GALNT10: variants seen among roughly 807,000 people sequenced by gnomAD.
The protein encoded by GALNT10 is polypeptide N-acetylgalactosaminyltransferase 10, also known as GalNAc transferase 10.
GALNT10 carries 41 observed loss-of-function variants against 75.0 expected under a neutral mutation model. The ratio of observed to expected loss-of-function variants is 0.55; its 90% CI spans 0.43 to 0.71. GALNT10 has a LOEUF of 0.71. Ranked by LOEUF, GALNT10 falls within the 30% of genes least tolerant of loss-of-function variation. The probability of loss-of-function intolerance (pLI) is 0.00; values close to 1 mark genes in which losing one functional copy is unlikely to be tolerated. For synonymous variants in GALNT10, 302 were observed against 313.0 expected (o/e 0.96, Z 0.37); for missense variants, 727 against 818.5 (o/e 0.89, Z 1.36).
At chr5:154,197,539 A>G (rs55946756) in intron 1 of GALNT10, among the ~76,000 whole-genome samples, 10,118 of 152,038 alleles carry the variant, frequency 0.067, 685 homozygotes, top group African/African-American at 0.17. Context: ...CCCTCTGCTG[A>G]GTGTAGATAG....
chr5:154,193,203 C>G (rs1774886098), intron 1 of GALNT10, among the ~76,000 whole-genome samples: 1 of 152,142 alleles, frequency 6.6e-6, no homozygotes. Flanking sequence ...TAAAGAAAAT[C>G]TCTTTGCTTC....
chr5:154,307,696 A>G (rs79782693), intron 3 of GALNT10, among the ~76,000 whole-genome samples: 1 of 151,864 alleles, frequency 6.6e-6, no homozygotes, highest in African/African-American at 2.4e-5. Context: ...TTTCCAACTC[A>G]CTGTAAAACC....
intron 1 of GALNT10, among the ~76,000 whole-genome samples, chr5:154,230,992 G>A (rs1384782942): frequency 6.6e-6 from 1 of 152,212 alleles, no homozygotes; most frequent in African/African-American, 2.4e-5. Flanking sequence ...AGACAAGGCG[G>A]GTCCCTGCAG....
In GALNT10 at chr5:154,415,846, T is replaced by C. The variant is rs1756494170; in HGVS notation, c.1567T>C (p.Cys523Arg). 6.2e-7 allele frequency: 1 copy of C among 1,614,048 alleles called. No homozygotes were observed. Among genetic ancestry groups the C allele is most frequent in the Non-Finnish European group, 8.5e-7 (1 of 1,180,018 alleles). ...PGDPQHTKKF[C>R]FDAISHTSPV... ...AGACCCCCAGCACACCAAGAAGTTC[T>C]GCTTTGATGCCATTTCCCACACCAG... The change falls in exon 11 of 12, where the codon TGC (cysteine) becomes CGC (arginine). Residue 523 changes from cysteine to arginine, a missense_variant. Coordinates refer to ENST00000297107, the MANE Select transcript of GALNT10 (RefSeq NM_198321.4).
chr5:154,262,068 A>G (rs1753706680), intron 1 of GALNT10, among the ~76,000 whole-genome samples: 1 of 152,192 alleles, frequency 6.6e-6, no homozygotes. Context: ...CTTTAGCTGT[A>G]TTGCATTTAG....
intron 10 of GALNT10, 82 bp downstream of exon 10, chr5:154,413,087 G>A: frequency 2.4e-6 from 2 of 832,844 alleles, no homozygotes; most frequent in South Asian, 1.4e-5. Context: ...CAGCTGGGAG[G>A]GAGAGGCATG....
At chr5:154,231,363 A>G (rs763748300) in intron 1 of GALNT10, among the ~76,000 whole-genome samples, 1 of 152,202 alleles carries the variant, frequency 6.6e-6, no homozygotes, top group Non-Finnish European at 1.5e-5. Flanking sequence ...TCTCTTCCCA[A>G]CACCACTTTT....
At chr5:154,237,105 G>A (rs765431320) in intron 1 of GALNT10, among the ~76,000 whole-genome samples, 20 of 152,222 alleles carry the variant, frequency 1.3e-4, no homozygotes, top group African/African-American at 4.8e-4. Flanking sequence ...TGTGTCCCAG[G>A]TAGCAGAGAG....
rs1756561662 is a variant in GALNT10, at chr5:154,418,586, C to G, written c.*1614C>G. 1 of 152,170 alleles carries G rather than the reference C, an allele frequency of 6.6e-6. No individual in the cohort carries two copies. Among genetic ancestry groups the G allele is most frequent in the Admixed American group, 6.5e-5 (1 of 15,274 alleles). 9.4% of individuals were successfully genotyped at this position (152,170 alleles called of 1,614,324 possible). On this transcript the variant is annotated 3_prime_UTR_variant, in exon 12 of 12. Transcript: ENST00000297107. ...CATTTACCAATTAAATAACTGAGAC[C>G]TAAGTCTGGGAACAGAGCCACGAAT...
chr5:154,227,355 A>G (rs1003273034), intron 1 of GALNT10, among the ~76,000 whole-genome samples: 2 of 152,200 alleles, frequency 1.3e-5, no homozygotes, highest in Admixed American at 1.3e-4. Flanking sequence ...TCTAATATGT[A>G]TGTGGTGATA....
intron 1 of GALNT10, among the ~76,000 whole-genome samples, chr5:154,215,978 C>T (rs1752867059): frequency 6.6e-6 from 1 of 152,154 alleles, no homozygotes; most frequent in Non-Finnish European, 1.5e-5. Context: ...GAGTTTGTGG[C>T]AGTAATTGTT....
chr5:154,409,933 TGTTA>T lies in GALNT10; in HGVS notation c.1386+178_1386+181del, dbSNP rs1410692647. 1.2e-4 allele frequency among the ~76,000 whole-genome samples: 19 copies of T among 152,370 alleles called. No individual in the cohort carries two copies. The highest frequency in any genetic ancestry group is 2.5e-4 in the Non-Finnish European group (17 of 68,018). On this transcript the variant is annotated intron_variant, in intron 9 of 11. Transcript: ENST00000297107. The surrounding 1 kb of genome is among the most constrained non-coding windows in gnomAD (Gnocchi z 4.5). Reference sequence around the variant, plus strand: ...AGCCTTGTCATGGTGTATTTTTACTTGTTAGTTAGTGTTCTCAGTGTAGAAAAAT... The same window carrying T: ...AGCCTTGTCATGGTGTATTTTTACTTGTTAGTGTTCTCAGTGTAGAAAAAT...
intron 1 of GALNT10, among the ~76,000 whole-genome samples, chr5:154,287,853 G>A (rs1754134454): frequency 6.6e-6 from 1 of 151,462 alleles, no homozygotes; most frequent in Admixed American, 6.6e-5. Context: ...AGCCCTACCT[G>A]GTCCTCTTTG....
intron 1 of GALNT10, among the ~76,000 whole-genome samples, chr5:154,241,516 G>A (rs1753337399): frequency 6.6e-6 from 1 of 151,388 alleles, no homozygotes; most frequent in South Asian, 2.1e-4. Flanking sequence ...TAATAGAGAG[G>A]TTTGTGTTAA....
intron 4 of GALNT10, among the ~76,000 whole-genome samples, chr5:154,353,530 G>A (rs182965747): frequency 2.7e-4 from 41 of 152,334 alleles, no homozygotes; most frequent in South Asian, 6.2e-4. Context: ...TGGGTGGAAG[G>A]GAGGGCTAGA....
chr5:154,217,989 A>G (rs752669793), intron 1 of GALNT10: 21 of 983,730 alleles, frequency 2.1e-5, no homozygotes, highest in Non-Finnish European at 2.5e-5. Context: ...AAGAAAGGGA[A>G]TCATTCCATG....
chr5:154,340,153 C>A (rs1418332785), intron 4 of GALNT10, among the ~76,000 whole-genome samples: 1 of 152,180 alleles, frequency 6.6e-6, no homozygotes, highest in Non-Finnish European at 1.5e-5. Context: ...TAGTGCACAC[C>A]AGCCAAGTCC....
At position 154,211,719 on chromosome 5, in the gene GALNT10, G is replaced by A. The variant is rs140902678; in HGVS notation, c.159+20694G>A. 1.1e-3 allele frequency among the ~76,000 whole-genome samples: 172 copies of A among 152,228 alleles called. 1 individual carries two copies. The highest frequency in any genetic ancestry group is 3.8e-3 in the African/African-American group (156 of 41,532). ...CCTGCAGGCATCTAAAGTCTCAACC[G>A]GAGCCGGTTAATCTACTTCCAAGAT... is the stretch of plus-strand genomic sequence containing the variant. On this transcript the variant is annotated intron_variant, in intron 1 of 11. Transcript: ENST00000297107.
intron 6 of GALNT10, among the ~76,000 whole-genome samples, chr5:154,384,140 C>T (rs1343584293): frequency 2.6e-5 from 4 of 152,162 alleles, no homozygotes; most frequent in African/African-American, 7.2e-5. Flanking sequence ...GATTCCATTA[C>T]CTCCCACCAG....
Sources: gnomAD v4.1 joint callset for allele counts (sites outside exome capture counted in the v4.1 genomes callset) on GRCh38, gnomAD v4.1.1 for gene constraint, Gnocchi (gnomAD v3.1) non-coding constraint, MANE v1.5 for transcripts, NCBI Gene and HGNC (gene_info 2026-07-23, HGNC 2026-07-21) for gene names.